Variants in GPHN observed in about 807,000 individuals in gnomAD.
GPHN encodes the protein gephyrin.
GPHN carries 17 observed loss-of-function variants against 95.5 expected under a neutral mutation model. The observed-to-expected ratio is 0.18, with a 90% CI of 0.12 to 0.27. The LOEUF (loss-of-function observed/expected upper bound fraction) is 0.27, where lower values mean the gene tolerates loss of function less well. GPHN is among the 10% of genes least tolerant of loss of function. GPHN has a pLI of 1.00. For missense variants in GPHN, 660 were observed against 978.1 expected, an observed-to-expected ratio of 0.67 and a Z score of 4.34; for synonymous variants, 320 against 322.5, an observed-to-expected ratio of 0.99 and a Z score of 0.08.
chr14:67,088,435 A>G (rs999302423), intron 11 of GPHN, among the ~76,000 whole-genome samples: 1 of 152,162 alleles, frequency 6.6e-6, no homozygotes, highest in Non-Finnish European at 1.5e-5. Flanking sequence ...TTCCTATGTC[A>G]ATGAATATTC....
intron 1 of GPHN, among the ~76,000 whole-genome samples, chr14:66,595,125 T>C (rs967759249): frequency 6.6e-6 from 1 of 152,188 alleles, no homozygotes; most frequent in African/African-American, 2.4e-5. Context: ...TTAGAGTGGC[T>C]ACTTTAAAAA....
chr14:67,118,317 G>A (rs1440703688), intron 16 of GPHN, among the ~76,000 whole-genome samples: 1 of 152,240 alleles, frequency 6.6e-6, no homozygotes, highest in South Asian at 2.1e-4. Context: ...CTCTAGGGCC[G>A]GCAATTTGTG....
the GPHN span, chr14:67,589,692 A>G: frequency 5.0e-6 from 5 of 994,544 alleles, no homozygotes; most frequent in Non-Finnish European, 6.0e-6. Context: ...CACAAGGGGT[A>G]CTATTGGAAA....
At chr14:66,614,494 A>T (rs1374184745) in intron 1 of GPHN, among the ~76,000 whole-genome samples, 1 of 151,772 alleles carries the variant, frequency 6.6e-6, no homozygotes, top group Non-Finnish European at 1.5e-5. Context: ...ATTGTAATAG[A>T]TTATATACTT....
At chr14:66,972,390 C>A (rs2069868091) in intron 9 of GPHN, among the ~76,000 whole-genome samples, 1 of 151,208 alleles carries the variant, frequency 6.6e-6, no homozygotes, top group Non-Finnish European at 1.5e-5. Flanking sequence ...AAAATGTATA[C>A]CAAACATCTA....
At chr14:67,458,612 C>T in the GPHN span, among the ~76,000 whole-genome samples, 2 of 152,284 alleles carry the variant, frequency 1.3e-5, no homozygotes, top group South Asian at 2.1e-4. Flanking sequence ...CAGAGAGAGG[C>T]CTTGCTTAAG....
chr14:67,641,056 A>C, the GPHN span, among the ~76,000 whole-genome samples: 3 of 152,230 alleles, frequency 2.0e-5, no homozygotes, highest in Admixed American at 6.5e-5. Context: ...TATCAGTAGC[A>C]TATAAATTCA....
the GPHN span, chr14:67,616,548 A>G: frequency 7.2e-5 from 11 of 152,622 alleles, no homozygotes; most frequent in East Asian, 1.9e-3. Context: ...AATTATTATT[A>G]TTATTGTTGT....
chr14:67,220,299 T>C, the GPHN span, among the ~76,000 whole-genome samples: 2 of 151,700 alleles, frequency 1.3e-5, no homozygotes, highest in Non-Finnish European at 2.9e-5. Context: ...AAAAGTTATC[T>C]GGGCGTGGTA....
chr14:66,545,533 G>A (rs1412822686), intron 1 of GPHN, among the ~76,000 whole-genome samples: 2 of 113,358 alleles, frequency 1.8e-5, no homozygotes, highest in Admixed American at 9.1e-5. Context: ...CCTCCCTCCC[G>A]GACGGGGCGG....
chr14:67,567,817 C>T, the GPHN span, among the ~76,000 whole-genome samples: 1 of 152,226 alleles, frequency 6.6e-6, no homozygotes. Context: ...ACAGGGCATT[C>T]CTCCAAAGGC....
At chr14:67,399,867 G>T in the GPHN span, among the ~76,000 whole-genome samples, 4 of 152,204 alleles carry the variant, frequency 2.6e-5, no homozygotes, top group Non-Finnish European at 5.9e-5. Context: ...TCTGCTGAGG[G>T]ATCAGAAAGG....
intron 4 of GPHN, among the ~76,000 whole-genome samples, chr14:66,836,638 C>A (rs1313262589): frequency 2.1e-5 from 3 of 141,474 alleles, no homozygotes; most frequent in African/African-American, 2.9e-5. Context: ...AAAGAAACTA[C>A]CATCAGAGTG....
chr14:66,988,488 C>G (rs74743293), intron 9 of GPHN, among the ~76,000 whole-genome samples: 2,295 of 152,026 alleles, frequency 0.015, 33 homozygotes, highest in Non-Finnish European at 0.018. Flanking sequence ...GGTAATCTGG[C>G]AAGTAGACAC....
intron 3 of GPHN, among the ~76,000 whole-genome samples, chr14:66,814,115 A>G (rs1019057722): frequency 6.6e-5 from 10 of 152,190 alleles, no homozygotes; most frequent in African/African-American, 2.2e-4. Flanking sequence ...CTTGCTGACC[A>G]CCATTGCAGA....
chr14:66,560,143 C>G (rs561834223), intron 1 of GPHN, among the ~76,000 whole-genome samples: 1 of 152,140 alleles, frequency 6.6e-6, no homozygotes, highest in East Asian at 1.9e-4. Context: ...GTTACTGTAG[C>G]CTTGTAGTAT....
intron 4 of GPHN, among the ~76,000 whole-genome samples, chr14:66,863,058 A>T (rs566636059): frequency 5.9e-5 from 9 of 152,266 alleles, no homozygotes; most frequent in Admixed American, 5.2e-4. Context: ...AGATGATATG[A>T]TATTATATCT....
intron 10 of GPHN, among the ~76,000 whole-genome samples, chr14:67,045,761 C>T (rs890314204): frequency 1.3e-5 from 2 of 151,724 alleles, no homozygotes; most frequent in African/African-American, 4.8e-5. Flanking sequence ...GTCTCTGTCT[C>T]TCTTTCTCTG....
intron 1 of GPHN, among the ~76,000 whole-genome samples, chr14:66,581,202 T>C (rs2061152526): frequency 6.8e-6 from 1 of 147,402 alleles, no homozygotes; most frequent in Admixed American, 6.8e-5. Flanking sequence ...ATTAACGTCA[T>C]ACTCAACAGT....
Sources: gnomAD v4.1 joint callset for allele counts (sites outside exome capture counted in the v4.1 genomes callset) on GRCh38, gnomAD v4.1.1 for gene constraint, MANE v1.5 for transcripts, NCBI Gene and HGNC (gene_info 2026-07-23, HGNC 2026-07-21) for gene names.